The following RANBP2 variants were observed in gnomAD, a reference collection of about 807,000 sequenced individuals.
RANBP2 encodes the protein RAN binding protein 2.
RANBP2 carries 57 observed loss-of-function variants against 303.6 expected under a neutral mutation model. The observed-to-expected ratio is 0.19, with a 90% CI of 0.15 to 0.23. RANBP2 has a LOEUF of 0.23. RANBP2 is among the 10% of genes least tolerant of loss of function. RANBP2 has a pLI of 1.00. For synonymous variants in RANBP2, 1,167 were observed against 1,301.5 expected (o/e 0.90, Z 2.23); for missense variants, 3,138 against 3,780.8 (o/e 0.83, Z 4.46).
At chr2:109,261,522 A>T in the RANBP2 span, among the ~76,000 whole-genome samples, 5 of 152,290 alleles carry the variant, frequency 3.3e-5, no homozygotes, top group African/African-American at 1.2e-4. Context: ...TGTGTGCAGC[A>T]GCCAGGCACC....
At chr2:108,881,469 G>A in the RANBP2 span, among the ~76,000 whole-genome samples, 2 of 152,224 alleles carry the variant, frequency 1.3e-5, no homozygotes, top group South Asian at 4.1e-4. Flanking sequence ...TATCATTTGT[G>A]TGTTGTCTGG....
chr2:109,289,681 C>T, the RANBP2 span, among the ~76,000 whole-genome samples: 1 of 152,108 alleles, frequency 6.6e-6, no homozygotes, highest in Non-Finnish European at 1.5e-5. Flanking sequence ...TGGCAGGCTG[C>T]ACTTCATAGC....
chr2:109,170,573 T>G, the RANBP2 span, among the ~76,000 whole-genome samples: 2 of 152,134 alleles, frequency 1.3e-5, no homozygotes, highest in African/African-American at 4.8e-5. Context: ...CTCGATCTCC[T>G]GACCTCAACC....
rs777498709 is a variant in RANBP2 at position 108,731,398 on chromosome 2, C to T, written c.329C>T (p.Thr110Ile). The T allele has an allele frequency of 1.9e-6, 3 of 1,611,470 alleles. No homozygotes were observed. In the South Asian group the frequency reaches 3.3e-5, roughly 18 times the overall value. ...GAATTGCTTTGTAAAAATGATGTTA[C>T]TGATGGAAGAGCAAAATACTGGCTT... ...IAELLCKNDV[T>I]DGRAKYWLER... Residue 110 changes from threonine to isoleucine, a missense_variant, in exon 4 of 29, where the codon ACT (threonine) becomes ATT (isoleucine). By Grantham distance (89) the Thr-to-Ile change is moderately conservative. Coordinates refer to ENST00000283195, the MANE Select transcript of RANBP2 (RefSeq NM_006267.5).
At chr2:109,397,995 G>A in the RANBP2 span, among the ~76,000 whole-genome samples, 3 of 152,212 alleles carry the variant, frequency 2.0e-5, no homozygotes, top group African/African-American at 7.2e-5. Context: ...CACCTCCTGG[G>A]GTATGCTCAG....
chr2:109,094,236 T>G, the RANBP2 span, among the ~76,000 whole-genome samples: 1 of 152,190 alleles, frequency 6.6e-6, no homozygotes, highest in African/African-American at 2.4e-5. Context: ...ATGGGCTGAT[T>G]GGCTTTGCGT....
chr2:109,399,095 C>T, the RANBP2 span, among the ~76,000 whole-genome samples: 1 of 152,158 alleles, frequency 6.6e-6, no homozygotes, highest in African/African-American at 2.4e-5. Flanking sequence ...TGCTGCCTGG[C>T]ACTGGGGCCC....
At chr2:109,629,343 ATATATATATATATTTTT>A in the RANBP2 span, among the ~76,000 whole-genome samples, 44 of 7,066 alleles carry the variant, frequency 6.2e-3, no homozygotes, top group African/African-American at 0.018. Context: ...ATATATATAT[ATATATATATATATTTTT>A]TTTTTTTTTT....
At chr2:109,561,070 C>T in the RANBP2 span, among the ~76,000 whole-genome samples, 1 of 139,728 alleles carries the variant, frequency 7.2e-6, no homozygotes. Context: ...CGTTGCCTTC[C>T]CCTTAGGACA....
At chr2:109,015,717 C>T in the RANBP2 span, among the ~76,000 whole-genome samples, 1 of 152,044 alleles carries the variant, frequency 6.6e-6, no homozygotes, top group Non-Finnish European at 1.5e-5. Context: ...GAGATCATGT[C>T]ACTGTACTCC....
chr2:109,110,759 G>A, the RANBP2 span, among the ~76,000 whole-genome samples: 1 of 152,166 alleles, frequency 6.6e-6, no homozygotes, highest in East Asian at 1.9e-4. Context: ...GGAGACAGCT[G>A]TCCATGCCTT....
chr2:108,991,037 G>A, the RANBP2 span, among the ~76,000 whole-genome samples: 1 of 152,162 alleles, frequency 6.6e-6, no homozygotes, highest in Admixed American at 6.5e-5. Flanking sequence ...TTTACCAAAA[G>A]GAATGATACT....
chr2:109,593,171 A>G, the RANBP2 span: 1 of 1,217,296 alleles, frequency 8.2e-7, no homozygotes, highest in East Asian at 2.4e-5. Flanking sequence ...TACTCCCCAA[A>G]CCCCATTATC....
At chr2:109,675,060 C>G in the RANBP2 span, among the ~76,000 whole-genome samples, 1 of 152,140 alleles carries the variant, frequency 6.6e-6, no homozygotes, top group African/African-American at 2.4e-5. Flanking sequence ...GCTTTGAACT[C>G]CTGGACTCAA....
chr2:108,958,453 G>A, the RANBP2 span, among the ~76,000 whole-genome samples: 1 of 152,110 alleles, frequency 6.6e-6, no homozygotes, highest in Non-Finnish European at 1.5e-5. Flanking sequence ...CCCCAGGGCA[G>A]TGCCTTCCAG....
At chr2:108,929,136 G>A in the RANBP2 span, 269 of 1,593,420 alleles carry the variant, frequency 1.7e-4, no homozygotes, top group Non-Finnish European at 2.0e-4. Context: ...GTCCTTGCCC[G>A]TAGCCCCTCG....
chr2:109,303,064 C>T, the RANBP2 span, among the ~76,000 whole-genome samples: 1 of 152,096 alleles, frequency 6.6e-6, no homozygotes, highest in Admixed American at 6.5e-5. Flanking sequence ...TTGGTAGAGG[C>T]GGGGTTTCAT....
the RANBP2 span, among the ~76,000 whole-genome samples, chr2:109,590,025 C>T: frequency 2.5e-4 from 37 of 149,632 alleles, no homozygotes; most frequent in East Asian, 7.4e-3. Context: ...TATATATACA[C>T]ACACATATAT....
At chr2:108,978,593 A>G in the RANBP2 span, among the ~76,000 whole-genome samples, 1 of 152,232 alleles carries the variant, frequency 6.6e-6, no homozygotes, top group African/African-American at 2.4e-5. Context: ...CTTGTTTAAC[A>G]GTGATTTTTA....
Sources: gnomAD v4.1 joint callset for allele counts (sites outside exome capture counted in the v4.1 genomes callset) on GRCh38, gnomAD v4.1.1 for gene constraint, MANE v1.5 for transcripts, NCBI Gene and HGNC (gene_info 2026-07-23, HGNC 2026-07-21) for gene names.